IQCM: variants seen among roughly 807,000 people sequenced by gnomAD.
The protein encoded by IQCM is IQ motif containing M, also known as IQ domain-containing protein M.
IQCM carries 45 observed loss-of-function variants against 57.6 expected under a neutral mutation model. The ratio of observed to expected loss-of-function variants is 0.78; its 90% CI spans 0.62 to 1.00. IQCM has a LOEUF of 1.00. IQCM is among the 50% of genes least tolerant of loss of function. The pLI, the probability that IQCM is intolerant of heterozygous loss-of-function variation, is 0.00. For synonymous variants in IQCM, 148 were observed against 158.9 expected, an observed-to-expected ratio of 0.93 and a Z score of 0.51; for missense variants, 468 against 511.6, an observed-to-expected ratio of 0.91 and a Z score of 0.82.
chr4:149,364,323 G>T (rs17686436), intron 13 of IQCM, among the ~76,000 whole-genome samples: 2 of 152,106 alleles, frequency 1.3e-5, no homozygotes, highest in South Asian at 2.1e-4. Flanking sequence ...TGATGTTTCC[G>T]CAGCCTTACA....
chr4:149,428,012 T>C (rs964833055), intron 13 of IQCM, among the ~76,000 whole-genome samples: 5 of 151,852 alleles, frequency 3.3e-5, no homozygotes, highest in Non-Finnish European at 5.9e-5. Context: ...TTTAAACTTA[T>C]CCAAATTAGA....
At chr4:149,460,421 A>T (rs906443818) in intron 12 of IQCM, among the ~76,000 whole-genome samples, 2 of 152,202 alleles carry the variant, frequency 1.3e-5, no homozygotes, top group African/African-American at 4.8e-5. Flanking sequence ...ATCTAATTTT[A>T]ACTGTTTCAA....
Position 149,386,888 on chromosome 4 carries a change from A to T in IQCM, c.1391-34822T>A, listed in dbSNP as rs544949984. On this transcript the variant is annotated intron_variant, in intron 13 of 13. Transcript: ENST00000636793. ...AGCTGTCAGCTCAAAAGGTTTTAATAGGTTCAGATTTAATATCTTTTTGTA... is the reference window on the plus strand; with the variant it reads ...AGCTGTCAGCTCAAAAGGTTTTAATTGGTTCAGATTTAATATCTTTTTGTA... 2.6e-5 allele frequency among the ~76,000 whole-genome samples: 4 copies of T among 152,054 alleles called. No individual in the cohort carries two copies. The East Asian group carries it at 7.7e-4, about 29-fold the overall frequency.
rs562323703 is a variant in IQCM at position 149,669,895 on chromosome 4, A to T, written c.565+12223T>A. Among the ~76,000 whole-genome samples the T allele has an allele frequency of 5.8e-4, 89 of 152,182 alleles. 1 individual carries two copies. In the South Asian group the frequency reaches 0.015, roughly 26 times the overall value. On this transcript the variant is annotated intron_variant, in intron 7 of 13. Transcript: ENST00000636793. ...GTTACTGCAGCCTTATAGTATAGTT[A>T]GAAGTCAGGTAGCATGATGCCTCCA...
At chr4:149,392,742 A>C (rs1362903288) in intron 13 of IQCM, among the ~76,000 whole-genome samples, 1 of 152,056 alleles carries the variant, frequency 6.6e-6, no homozygotes, top group Non-Finnish European at 1.5e-5. Context: ...CAAAATTTAC[A>C]CAATGCTCCA....
chr4:149,608,390 T>C (rs1201212662), intron 8 of IQCM, among the ~76,000 whole-genome samples: 1 of 151,922 alleles, frequency 6.6e-6, no homozygotes, highest in Non-Finnish European at 1.5e-5. Flanking sequence ...ACATCAGACT[T>C]AATCTTCACT....
intron 12 of IQCM, among the ~76,000 whole-genome samples, chr4:149,528,650 G>A (rs926317014): frequency 6.6e-6 from 1 of 152,086 alleles, no homozygotes; most frequent in Non-Finnish European, 1.5e-5. Context: ...ACAGAACATG[G>A]CAATGAGGAT....
chr4:149,559,664 T>A (rs539358606), intron 10 of IQCM, among the ~76,000 whole-genome samples: 69 of 152,346 alleles, frequency 4.5e-4, no homozygotes, highest in African/African-American at 1.6e-3. Flanking sequence ...TTGGACCCAG[T>A]ATATAGTAAC....
chr4:149,631,634 A>C (rs1757273435), intron 7 of IQCM, among the ~76,000 whole-genome samples: 4 of 152,340 alleles, frequency 2.6e-5, no homozygotes, highest in African/African-American at 9.6e-5. Context: ...ACTTCACAAA[A>C]TTGTGCCAAA....
At chr4:149,609,316 G>T (rs1266071506) in intron 8 of IQCM, among the ~76,000 whole-genome samples, 1 of 151,734 alleles carries the variant, frequency 6.6e-6, no homozygotes, top group African/African-American at 2.4e-5. Context: ...AACATTTAAA[G>T]AACAGCTAAT....
chr4:149,516,925 C>T (rs1745029278), intron 12 of IQCM, among the ~76,000 whole-genome samples: 1 of 151,776 alleles, frequency 6.6e-6, no homozygotes, highest in African/African-American at 2.4e-5. Flanking sequence ...AATATCAAGA[C>T]AAAATTAGTC....
Position 149,459,824 on chromosome 4 carries a change from T to C in IQCM, c.1229-26267A>G, listed in dbSNP as rs531396708. On this transcript the variant is annotated intron_variant, in intron 12 of 13. Transcript: ENST00000636793. ...ATATGTATATACCACATTTTGCTTA[T>C]CCATTTACCCATCAATAGACATTTT... Among the ~76,000 whole-genome samples the C allele has an allele frequency of 3.8e-4, 58 of 152,344 alleles. 1 individual carries two copies. In the South Asian group the frequency reaches 0.011, roughly 28 times the overall value.
chr4:149,788,662 T>C (rs1012847079), intron 2 of IQCM, among the ~76,000 whole-genome samples: 4 of 152,132 alleles, frequency 2.6e-5, no homozygotes, highest in African/African-American at 9.7e-5. Flanking sequence ...CCAAAGGAAA[T>C]GAAGTAAGTA....
intron 8 of IQCM, among the ~76,000 whole-genome samples, chr4:149,596,963 T>C (rs1753833352): frequency 1.3e-5 from 2 of 151,990 alleles, no homozygotes; most frequent in Non-Finnish European, 2.9e-5. Flanking sequence ...AAAGCAGCAA[T>C]CAAGGAATCA....
At chr4:149,737,240 T>C (rs1182074077) in intron 3 of IQCM, among the ~76,000 whole-genome samples, 1 of 152,182 alleles carries the variant, frequency 6.6e-6, no homozygotes, top group Non-Finnish European at 1.5e-5. Flanking sequence ...GAATGTTCTG[T>C]ATTTTGATAG....
chr4:149,379,341 A>G (rs1036017928), intron 13 of IQCM, among the ~76,000 whole-genome samples: 1 of 152,148 alleles, frequency 6.6e-6, no homozygotes, highest in Non-Finnish European at 1.5e-5. Context: ...CACCCTGCAC[A>G]TGGAAAATCC....
At chr4:149,609,353 A>T (rs888822034) in intron 8 of IQCM, among the ~76,000 whole-genome samples, 13 of 151,940 alleles carry the variant, frequency 8.6e-5, no homozygotes, top group African/African-American at 1.2e-4. Context: ...CTATTTTTTT[A>T]AAAAATTGAG....
At chr4:149,694,242 T>G (rs1302565247) in intron 5 of IQCM, among the ~76,000 whole-genome samples, 2 of 140,318 alleles carry the variant, frequency 1.4e-5, no homozygotes, top group Non-Finnish European at 3.1e-5. Flanking sequence ...TTTTTTTTTT[T>G]GAGACGGAGT....
chr4:149,795,642 G>C (rs1337605125), intron 2 of IQCM, among the ~76,000 whole-genome samples: 1 of 152,166 alleles, frequency 6.6e-6, no homozygotes, highest in Non-Finnish European at 1.5e-5. Context: ...AGGCTGCAGA[G>C]CTCCTACCTC....
Sources: gnomAD v4.1 joint callset for allele counts (sites outside exome capture counted in the v4.1 genomes callset) on GRCh38, gnomAD v4.1.1 for gene constraint, MANE v1.5 for transcripts, NCBI Gene and HGNC (gene_info 2026-07-23, HGNC 2026-07-21) for gene names.